PLEKHG1: variants seen among roughly 807,000 people sequenced by gnomAD.
PLEKHG1 encodes the protein pleckstrin homology domain-containing family G member 1.
In PLEKHG1, 44 loss-of-function variants were observed where a neutral mutation model predicts 100.8. The observed-to-expected ratio is 0.44, with a 90% CI of 0.34 to 0.56. PLEKHG1 has a LOEUF of 0.56. Among genes scored for constraint, PLEKHG1 ranks in the 20% least tolerant of loss-of-function variants. PLEKHG1 has a pLI of 0.01. For synonymous variants in PLEKHG1, 640 were observed against 662.5 expected, an observed-to-expected ratio of 0.97 and a Z score of 0.52; for missense variants, 1,545 against 1,720.9, an observed-to-expected ratio of 0.90 and a Z score of 1.81.
intron 4 of PLEKHG1, among the ~76,000 whole-genome samples, chr6:150,792,103 G>A (rs748466255): frequency 1.3e-5 from 2 of 152,182 alleles, no homozygotes; most frequent in Admixed American, 6.5e-5. Context: ...AATTATTAAT[G>A]TAAGTGTTAG....
At chr6:150,650,551 AT>A (rs1313266830) in intron 2 of PLEKHG1, among the ~76,000 whole-genome samples, 176 bp from the exon 2 acceptor site, 1 of 152,196 alleles carries the variant, frequency 6.6e-6, no homozygotes, top group African/African-American at 2.4e-5. Flanking sequence ...CTATAGGCCT[AT>A]TACAGTCCAG....
chr6:150,790,288 A>G (rs1785893333), intron 4 of PLEKHG1, among the ~76,000 whole-genome samples: 1 of 152,180 alleles, frequency 6.6e-6, no homozygotes, highest in South Asian at 2.1e-4. Context: ...TGGCCTCCCA[A>G]AGTGCTGGGA....
At chr6:150,728,822 GGAGGTGGAGGTTGCAGT>G (rs1315399686) in intron 1 of PLEKHG1, among the ~76,000 whole-genome samples, 1 of 151,878 alleles carries the variant, frequency 6.6e-6, no homozygotes, top group African/African-American at 2.4e-5. Context: ...CTTGAACCCA[GGAGGTGGAGGTTGCAGT>G]GAGCCGAGAT....
chr6:150,639,778 G>A (rs1292114037), intron 2 of PLEKHG1, among the ~76,000 whole-genome samples: 2 of 152,150 alleles, frequency 1.3e-5, no homozygotes, highest in South Asian at 2.1e-4. Context: ...GACCAGAGGG[G>A]AGGTCTTGTG....
Position 150,612,626 on chromosome 6 carries a change from C to T in PLEKHG1, c.-204+12609C>T, listed in dbSNP as rs1218132045. Among the ~76,000 whole-genome samples, 4 of 152,158 alleles carry T rather than the reference C, an allele frequency of 2.6e-5. No homozygotes were observed. The South Asian group carries it at 8.3e-4, about 32-fold the overall frequency. ...GGGATTACAGGTTTGAGCCACCACG[C>T]CCAGCCTGAATGTGTTTTAATGAAG... On this transcript the variant is annotated intron_variant, in intron 1 of 3. Coordinates refer to the PLEKHG1 transcript ENST00000367326.
intron 14 of PLEKHG1, among the ~76,000 whole-genome samples, chr6:150,824,003 G>T (rs905696890): frequency 2.6e-5 from 4 of 152,140 alleles, no homozygotes; most frequent in African/African-American, 9.7e-5. Context: ...ACCTCACATT[G>T]TCCTTTGCCA....
At chr6:150,685,420 G>A (rs772100876) in intron 3 of PLEKHG1, among the ~76,000 whole-genome samples, 13 of 152,168 alleles carry the variant, frequency 8.5e-5, no homozygotes, top group Non-Finnish European at 1.9e-4. Flanking sequence ...GCTTCCCGTG[G>A]AAAAGAGGAA....
chr6:150,830,430 C>T (rs574411749), intron 14 of PLEKHG1, 152 bp from the exon 16 acceptor site: 9 of 584,732 alleles, frequency 1.5e-5, no homozygotes, highest in East Asian at 1.5e-4. Flanking sequence ...TGAGATTAGC[C>T]TGGGTAACAC....
intron 3 of PLEKHG1, among the ~76,000 whole-genome samples, chr6:150,769,419 T>C (rs1407502083): frequency 2.0e-5 from 3 of 151,240 alleles, no homozygotes; most frequent in Non-Finnish European, 4.4e-5. Context: ...CCATCTCTAC[T>C]AAAAATACAA....
At chr6:150,752,057 G>T (rs994248763) in intron 2 of PLEKHG1, among the ~76,000 whole-genome samples, 2 of 152,040 alleles carry the variant, frequency 1.3e-5, no homozygotes, top group Non-Finnish European at 2.9e-5. Context: ...ATGGTGGAAG[G>T]CACCAGTAAT....
At chr6:150,626,806 GTGTGTA>G (rs1003846970) in intron 1 of PLEKHG1, among the ~76,000 whole-genome samples, 2 of 152,176 alleles carry the variant, frequency 1.3e-5, no homozygotes, top group South Asian at 2.1e-4. Flanking sequence ...CACACTGTGT[GTGTGTA>G]TGTGTATGTG....
intron 2 of PLEKHG1, among the ~76,000 whole-genome samples, chr6:150,641,876 CAAAAAAAA>C (rs71554473): frequency 1.2e-4 from 9 of 76,798 alleles, no homozygotes; most frequent in African/African-American, 2.7e-4. Context: ...TGTGAAAAGG[CAAAAAAAA>C]AAAAAAAAAA....
At chr6:150,736,264 T>C (rs958147967) in intron 2 of PLEKHG1, among the ~76,000 whole-genome samples, 2 of 152,234 alleles carry the variant, frequency 1.3e-5, no homozygotes, top group African/African-American at 4.8e-5. Context: ...TTTCATCAAC[T>C]GTCAGATGGG....
intron 3 of PLEKHG1, among the ~76,000 whole-genome samples, chr6:150,707,556 A>G (rs1028868396): frequency 6.6e-6 from 1 of 152,140 alleles, no homozygotes; most frequent in African/African-American, 2.4e-5. Context: ...GGGTGACGTG[A>G]GCAAGCTTAG....
intron 6 of PLEKHG1, among the ~76,000 whole-genome samples, chr6:150,803,823 T>C (rs1419322306): frequency 6.6e-6 from 1 of 152,104 alleles, no homozygotes; most frequent in African/African-American, 2.4e-5. Context: ...ATGAAACATT[T>C]TGCTTCCTAA....
chr6:150,671,423 G>A (rs1779577214), intron 3 of PLEKHG1, among the ~76,000 whole-genome samples: 1 of 152,152 alleles, frequency 6.6e-6, no homozygotes, highest in Non-Finnish European at 1.5e-5. Context: ...CCGTCCTAGA[G>A]TATTCCTTAA....
rs545312970 is a variant in PLEKHG1 at position 150,771,845 on chromosome 6, A to G, written c.512+3107A>G. Among the ~76,000 whole-genome samples, 8 of 152,332 alleles carry G rather than the reference A, an allele frequency of 5.3e-5. No homozygotes were observed. In the East Asian group the frequency reaches 7.7e-4, roughly 15 times the overall value. ...GTATTATGCTGGCCTGAAAAATTCA[A>G]CTGACTAGGTTTCTTTTTTCAGTAA... On this transcript the variant is annotated intron_variant, in intron 3 of 15. Coordinates refer to ENST00000358517, the Ensembl canonical transcript of PLEKHG1.
chr6:150,733,695 A>G, exon 2 of PLEKHG1: 1 of 1,614,174 alleles, frequency 6.2e-7, no homozygotes, highest in Non-Finnish European at 8.5e-7. Flanking sequence ...GAGCTCTCTG[A>G]TAGTGACCGA....
intron 1 of PLEKHG1, among the ~76,000 whole-genome samples, chr6:150,605,256 G>T (rs546881852): frequency 6.6e-6 from 1 of 152,180 alleles, no homozygotes; most frequent in African/African-American, 2.4e-5. Context: ...ACCAGCCAGA[G>T]AATCAAGCAC....
Sources: allele counts gnomAD v4.1 joint callset (sites outside exome capture counted in the v4.1 genomes callset), GRCh38; gene constraint gnomAD v4.1.1; transcripts MANE v1.5; gene names NCBI Gene and HGNC (gene_info 2026-07-23, HGNC 2026-07-21).